Variants in TENM2 observed in about 807,000 individuals in gnomAD.
TENM2 encodes teneurin transmembrane protein 2, also known as teneurin-2.
Under a neutral mutation model 245.2 loss-of-function variants are expected in TENM2, and 52 were observed. The ratio of observed to expected loss-of-function variants is 0.21; its 90% CI spans 0.17 to 0.27. The LOEUF (loss-of-function observed/expected upper bound fraction) is 0.27, where lower values mean the gene tolerates loss of function less well. TENM2 is among the 10% of genes least tolerant of loss of function. The pLI is 1.00. For missense variants in TENM2, 3,046 were observed against 3,666.8 expected (o/e 0.83, Z 4.37); for synonymous variants, 1,363 against 1,438.9 (o/e 0.95, Z 1.19).
At chr5:167,919,089 G>A (rs1487142090) in intron 3 of TENM2, among the ~76,000 whole-genome samples, 1 of 152,032 alleles carries the variant, frequency 6.6e-6, no homozygotes, top group East Asian at 1.9e-4. Flanking sequence ...TTGTCTGGGG[G>A]CCTCTCATAT....
chr5:168,056,701 G>A (rs974986117), intron 6 of TENM2, among the ~76,000 whole-genome samples: 1 of 152,120 alleles, frequency 6.6e-6, no homozygotes, highest in Non-Finnish European at 1.5e-5. Context: ...CTCACTCACT[G>A]ACTTAAACAA....
intron 2 of TENM2, among the ~76,000 whole-genome samples, chr5:167,445,334 T>TAGAGAGAG (rs1380778783): frequency 1.0e-3 from 90 of 86,284 alleles, no homozygotes; most frequent in Middle Eastern, 7.0e-3. Flanking sequence ...TATATATATA[T>TAGAGAGAG]ATAGAGAGAG....
the TENM2 span, among the ~76,000 whole-genome samples, chr5:166,986,225 A>G: frequency 6.6e-6 from 1 of 152,194 alleles, no homozygotes; most frequent in Non-Finnish European, 1.5e-5. Context: ...GTGAATTAAA[A>G]TAGATTTTGT....
chr5:167,831,231 C>A (rs1480651445), intron 2 of TENM2, among the ~76,000 whole-genome samples: 2 of 152,072 alleles, frequency 1.3e-5, no homozygotes, highest in African/African-American at 4.8e-5. Flanking sequence ...GGATGCAGGT[C>A]TGTGAGTATG....
chr5:167,556,681 G>T (rs542045265), intron 2 of TENM2, among the ~76,000 whole-genome samples: 1 of 152,156 alleles, frequency 6.6e-6, no homozygotes, highest in African/African-American at 2.4e-5. Flanking sequence ...TTCTGAGCTC[G>T]CTTAGACCAC....
intron 2 of TENM2, among the ~76,000 whole-genome samples, chr5:167,648,977 T>G (rs949670732): frequency 5.9e-5 from 9 of 152,336 alleles, no homozygotes; most frequent in African/African-American, 1.9e-4. Context: ...ACCATCCTGA[T>G]GCAGCAGACT....
chr5:167,333,202 A>G (rs1408043213), intron 1 of TENM2, among the ~76,000 whole-genome samples: 1 of 152,216 alleles, frequency 6.6e-6, no homozygotes, highest in Admixed American at 6.5e-5. Flanking sequence ...CTGAATTACT[A>G]ATGGATTAGT....
chr5:167,269,317 G>A, the TENM2 span, among the ~76,000 whole-genome samples: 4 of 151,912 alleles, frequency 2.6e-5, no homozygotes, highest in African/African-American at 4.8e-5. Flanking sequence ...TTTATTGGGC[G>A]CTCTTTAATG....
At chr5:167,908,698 C>G (rs1226756392) in intron 3 of TENM2, among the ~76,000 whole-genome samples, 1 of 146,706 alleles carries the variant, frequency 6.8e-6, no homozygotes, top group Non-Finnish European at 1.5e-5. Context: ...TCTCTGTTTC[C>G]CTCTCTCTCT....
the TENM2 span, among the ~76,000 whole-genome samples, chr5:167,033,602 C>G: frequency 2.0e-5 from 3 of 152,126 alleles, no homozygotes; most frequent in African/African-American, 7.2e-5. Flanking sequence ...GCCAGCTAGT[C>G]AGTTTCAGTT....
chr5:167,367,929 C>T (rs977376744), intron 1 of TENM2, among the ~76,000 whole-genome samples: 6 of 151,978 alleles, frequency 3.9e-5, no homozygotes, highest in Non-Finnish European at 5.9e-5. Flanking sequence ...GTTATAATAT[C>T]TATCTTTTTC....
chr5:168,042,997 G>A (rs1189451010), intron 5 of TENM2, among the ~76,000 whole-genome samples: 1 of 152,152 alleles, frequency 6.6e-6, no homozygotes, highest in African/African-American at 2.4e-5. Flanking sequence ...ATGATGAATT[G>A]TACATTTTGG....
intron 2 of TENM2, among the ~76,000 whole-genome samples, chr5:167,416,468 A>G (rs1291327958): frequency 6.6e-6 from 1 of 152,168 alleles, no homozygotes; most frequent in African/African-American, 2.4e-5. Context: ...GCAACTTAAA[A>G]TATAACGTTA....
At chr5:168,161,689 T>G (rs1267907887) in intron 12 of TENM2, among the ~76,000 whole-genome samples, 1 of 152,042 alleles carries the variant, frequency 6.6e-6, no homozygotes, top group African/African-American at 2.4e-5. Flanking sequence ...CTTTCTCCAC[T>G]TTTCTCCCCC....
chr5:167,065,771 GACTGGATAGCTT>G, the TENM2 span, among the ~76,000 whole-genome samples: 1 of 152,176 alleles, frequency 6.6e-6, no homozygotes, highest in African/African-American at 2.4e-5. Flanking sequence ...TTTATTCATG[GACTGGATAGCTT>G]ACTGTGCTTA....
intron 2 of TENM2, among the ~76,000 whole-genome samples, chr5:167,509,817 C>A (rs1769809015): frequency 6.6e-6 from 1 of 152,116 alleles, no homozygotes; most frequent in African/African-American, 2.4e-5. Context: ...CTTAGGGATG[C>A]TGAATAACCA....
intron 2 of TENM2, among the ~76,000 whole-genome samples, chr5:167,768,086 T>C (rs1027349208): frequency 6.6e-6 from 1 of 152,306 alleles, no homozygotes; most frequent in South Asian, 2.1e-4. Context: ...ATGCGCGTCT[T>C]CCATTAGCAT....
intron 2 of TENM2, among the ~76,000 whole-genome samples, chr5:167,511,898 A>C (rs1769980423): frequency 6.6e-6 from 1 of 152,194 alleles, no homozygotes; most frequent in South Asian, 2.1e-4. Flanking sequence ...GAGAAATGAA[A>C]TTTGAGGTAG....
intron 14 of TENM2, among the ~76,000 whole-genome samples, chr5:168,191,978 G>C (rs1386374859): frequency 6.6e-6 from 1 of 152,054 alleles, no homozygotes; most frequent in African/African-American, 2.4e-5. Context: ...GCTTCTCTCT[G>C]TTGTCGTTTT....
Sources: gnomAD v4.1 joint callset for allele counts (sites outside exome capture counted in the v4.1 genomes callset) on GRCh38, gnomAD v4.1.1 for gene constraint, MANE v1.5 for transcripts, NCBI Gene and HGNC (gene_info 2026-07-23, HGNC 2026-07-21) for gene names.